TAF1: variants seen among roughly 807,000 people sequenced by gnomAD.
TAF1 encodes the protein TATA-box binding protein associated factor 1, also known as transcription initiation factor TFIID subunit 1.
TAF1 carries 2 observed loss-of-function variants against 138.5 expected under a neutral mutation model. The ratio of observed to expected loss-of-function variants is 0.01; its 90% CI spans 0.01 to 0.05. The LOEUF (loss-of-function observed/expected upper bound fraction) is 0.05, where lower values mean the gene tolerates loss of function less well. Ranked by LOEUF, TAF1 falls within the 10% of genes least tolerant of loss-of-function variation. The probability of loss-of-function intolerance (pLI) is 1.00; values close to 1 mark genes in which losing one functional copy is unlikely to be tolerated. For missense variants in TAF1, 709 were observed against 1,478.0 expected (o/e 0.48, Z 8.53); for synonymous variants, 437 against 503.2 (o/e 0.87, Z 1.76).
intron 24 of TAF1, 121 bp from the exon 25 acceptor site, chrX:71,401,406 TG>T (rs1311340076): frequency 1.2e-6 from 1 of 862,790 alleles, no homozygotes; most frequent in Non-Finnish European, 1.6e-6. Context: ...TTGGTATACT[TG>T]GGGGTCCTGG....
At chrX:71,404,038 A>G (rs776919136) in intron 25 of TAF1, among the ~76,000 whole-genome samples, 8 of 106,387 alleles carry the variant, frequency 7.5e-5, no homozygotes, top group Non-Finnish European at 1.2e-4. Context: ...CGGTGGCGCA[A>G]TCTCGGCTCA....
intron 28 of TAF1, among the ~76,000 whole-genome samples, chrX:71,419,445 G>A (rs1460718910): frequency 1.8e-5 from 2 of 111,362 alleles, no homozygotes; most frequent in Non-Finnish European, 3.8e-5. Context: ...TTTCCCCAGG[G>A]AGAAGGGGAA....
rs778886047 is a variant in TAF1 at position 71,457,077 on chromosome X, T to C, written c.4939-1164T>C. ...CTTTGCAGTTTTCTGCACTGTGCCGTAGGGTTTTGCAGAAATTTCATCCCC... is the reference window on the plus strand; with the variant it reads ...CTTTGCAGTTTTCTGCACTGTGCCGCAGGGTTTTGCAGAAATTTCATCCCC... On this transcript the variant is annotated intron_variant, in intron 34 of 37. Transcript: ENST00000423759. Among the ~76,000 whole-genome samples the C allele has an allele frequency of 1.5e-4, 17 of 112,290 alleles. No homozygotes were observed. The South Asian group carries it at 5.9e-3, about 39-fold the overall frequency.
chrX:71,442,702 T>A (rs918201633), intron 32 of TAF1, among the ~76,000 whole-genome samples: 1 of 112,036 alleles, frequency 8.9e-6, no homozygotes, highest in Non-Finnish European at 1.9e-5. Context: ...TTTGTTGCCA[T>A]TGGTTTTGGT....
At chrX:71,477,688 G>A (rs898451152) in intron 13 of TAF1, among the ~76,000 whole-genome samples, 2 of 112,181 alleles carry the variant, frequency 1.8e-5, no homozygotes, top group African/African-American at 6.5e-5. Flanking sequence ...GCATTTAACT[G>A]TGTTAAAAAA....
At chrX:71,427,431 G>T (rs1280902212) in intron 32 of TAF1, among the ~76,000 whole-genome samples, 2 of 111,607 alleles carry the variant, frequency 1.8e-5, no homozygotes, top group African/African-American at 6.5e-5. Flanking sequence ...TGTATAGCAA[G>T]TGATAAGCAA....
At chrX:71,481,108 A>G (rs1336871827) in intron 13 of TAF1, among the ~76,000 whole-genome samples, 4 of 112,258 alleles carry the variant, frequency 3.6e-5, no homozygotes, top group African/African-American at 1.3e-4. Flanking sequence ...GCGAAACCCC[A>G]TCTCTACTAA....
chrX:71,443,498 T>C (rs2037532669), intron 32 of TAF1, among the ~76,000 whole-genome samples: 1 of 111,728 alleles, frequency 9.0e-6, no homozygotes, highest in African/African-American at 3.3e-5. Flanking sequence ...TTGTGATTTT[T>C]GCACATTGAT....
At position 71,439,839 on chromosome X, in the gene TAF1, C is replaced by T. The variant is rs766551220; in HGVS notation, c.4754-14331C>T. On this transcript the variant is annotated intron_variant, in intron 32 of 37. Transcript: ENST00000423759. ...AAATGGTACAGAGTCCTGTGGGCTT[C>T]TCACTCAGCTTCCTTCAATGGCAAT... Among the ~76,000 whole-genome samples the T allele has an allele frequency of 2.7e-5, 3 of 112,091 alleles. No homozygotes were observed. In the East Asian group the frequency reaches 8.3e-4, roughly 31 times the overall value.
intron 3 of TAF1, chrX:71,369,073 A>G (rs2032812449): frequency 9.2e-6 from 1 of 108,998 alleles, no homozygotes; most frequent in Admixed American, 9.9e-5. Context: ...GATGGTCTCG[A>G]TCTCCTGACC....
At chrX:71,456,616 A>G (rs2038291766) in intron 34 of TAF1, among the ~76,000 whole-genome samples, 1 of 98,541 alleles carries the variant, frequency 1.0e-5, no homozygotes, top group Non-Finnish European at 2.0e-5. Context: ...ATACCTTTCA[A>G]CTTCTAAATG....
At chrX:71,511,728 A>G (rs987722367) in intron 13 of TAF1, among the ~76,000 whole-genome samples, 1 of 111,908 alleles carries the variant, frequency 8.9e-6, no homozygotes, top group African/African-American at 3.3e-5. Flanking sequence ...TTAATAAAGA[A>G]CTTTTGGCTG....
chrX:71,379,832 C>A (rs1444694655), intron 8 of TAF1, among the ~76,000 whole-genome samples: 1 of 110,007 alleles, frequency 9.1e-6, no homozygotes, highest in African/African-American at 3.3e-5. Context: ...GAACTCCCGA[C>A]CTTAGGTGAT....
chrX:71,435,609 A>G (rs1015795482), intron 32 of TAF1, among the ~76,000 whole-genome samples: 5 of 111,569 alleles, frequency 4.5e-5, no homozygotes, highest in African/African-American at 1.6e-4. Context: ...ATCTTATACT[A>G]CTAGTTGCTC....
chrX:71,524,894 T>C (rs1389656951), intron 13 of TAF1, among the ~76,000 whole-genome samples: 12 of 100,199 alleles, frequency 1.2e-4, no homozygotes, highest in Admixed American at 2.2e-4. Context: ...TGAGCTGAGA[T>C]CGCACCACTG....
At position 71,499,231 on chromosome X, in the gene TAF1, C is replaced by T. The variant is rs190565947; in HGVS notation, c.1367-29311C>T. On this transcript the variant is annotated intron_variant and NMD_transcript_variant, in intron 13 of 14. Coordinates refer to the TAF1 transcript ENST00000373775. Reference sequence around the variant, plus strand: ...CCGGGTGATTGGCCTGCTCCATTTTCTGTCCTCTGAACCACCCAGGTTTGT... The same window carrying T: ...CCGGGTGATTGGCCTGCTCCATTTTTTGTCCTCTGAACCACCCAGGTTTGT... Among the ~76,000 whole-genome samples, 1,093 of 111,474 alleles carry T rather than the reference C, an allele frequency of 9.8e-3. 14 individuals are homozygous for T. The highest frequency in any genetic ancestry group is 0.033 in the African/African-American group (1,015 of 30,703).
intron 32 of TAF1, among the ~76,000 whole-genome samples, chrX:71,440,947 T>TTTC (rs914075342): frequency 4.5e-5 from 5 of 110,631 alleles, no homozygotes; most frequent in African/African-American, 1.6e-4. Context: ...TTCTTCCTTC[T>TTTC]TTCTTCTTCT....
rs755582818 is a variant in TAF1, at chrX:71,394,259, C to T, written c.3406+14C>T. On this transcript the variant is annotated intron_variant, in intron 22 of 37. Transcript: ENST00000423759. Reference sequence around the variant, plus strand: ...GAATGCTACTGGGTGAGGATCTTGGCTTCACAGACAGATAAAAAAGAGAAG... The same window carrying T: ...GAATGCTACTGGGTGAGGATCTTGGTTTCACAGACAGATAAAAAAGAGAAG... 8.5e-7 allele frequency: 1 copy of T among 1,175,884 alleles called. No individual in the cohort carries two copies. The highest frequency in any genetic ancestry group is 1.8e-5 in the African/African-American group (1 of 56,506).
chrX:71,454,724 TTTTC>T lies in TAF1; in HGVS notation c.4822-13_4822-10del. On this transcript the variant is annotated splice_polypyrimidine_tract_variant and intron_variant, in intron 33 of 37. Transcript: ENST00000423759. The stretch of plus-strand genomic sequence containing the variant: ...TTAAAATACATGTTGAATGAATTTA[TTTTC>T]TTTGTTTCTCAGTATGATGAACATT... 2.5e-6 allele frequency: 3 copies of T among 1,182,492 alleles called. No individual in the cohort carries two copies. Among genetic ancestry groups the T allele is most frequent in the Non-Finnish European group, 3.4e-6 (3 of 876,573 alleles).
Sources: allele counts gnomAD v4.1 joint callset (sites outside exome capture counted in the v4.1 genomes callset), GRCh38; gene constraint gnomAD v4.1.1; transcripts MANE v1.5; gene names NCBI Gene and HGNC (gene_info 2026-07-23, HGNC 2026-07-21).